ATP8A1: variants seen among roughly 807,000 people sequenced by gnomAD.
ATP8A1 encodes the protein ATPase phospholipid transporting 8A1.
Under a neutral mutation model 177.7 loss-of-function variants are expected in ATP8A1, and 90 were observed. That is an observed-to-expected ratio of 0.51 (90% CI 0.43 to 0.60). The LOEUF (loss-of-function observed/expected upper bound fraction) is 0.60, where lower values mean the gene tolerates loss of function less well. Among genes scored for constraint, ATP8A1 ranks in the 20% least tolerant of loss-of-function variants. The probability of loss-of-function intolerance (pLI) is 0.00; values close to 1 mark genes in which losing one functional copy is unlikely to be tolerated. For synonymous variants in ATP8A1, 493 were observed against 485.9 expected (o/e 1.01, Z -0.19); for missense variants, 1,072 against 1,392.8 (o/e 0.77, Z 3.67).
chr4:42,570,293 TAAG>T (rs1346017832), intron 14 of ATP8A1, among the ~76,000 whole-genome samples: 1 of 152,198 alleles, frequency 6.6e-6, no homozygotes, highest in Non-Finnish European at 1.5e-5. Context: ...TGTGCCTGCT[TAAG>T]AAGAAGGGCT....
intron 35 of ATP8A1, among the ~76,000 whole-genome samples, chr4:42,420,870 G>A (rs930993347): frequency 2.0e-5 from 3 of 150,618 alleles, no homozygotes; most frequent in African/African-American, 4.9e-5. Context: ...CAGGATTCAC[G>A]CCATTCTCCT....
At chr4:42,430,536 T>C (rs776204108) in intron 33 of ATP8A1, among the ~76,000 whole-genome samples, 4 of 151,908 alleles carry the variant, frequency 2.6e-5, no homozygotes, top group African/African-American at 7.2e-5. Flanking sequence ...GTTTGTTACA[T>C]AGGTAAACTT....
intron 33 of ATP8A1, among the ~76,000 whole-genome samples, chr4:42,435,460 A>AAC (rs1560320641): frequency 1.8e-5 from 2 of 108,212 alleles, no homozygotes; most frequent in Non-Finnish European, 2.2e-5. Context: ...CAAAAAAAAA[A>AAC]AAACAAACTA....
At chr4:42,651,159 C>T (rs1370709695) in intron 1 of ATP8A1, among the ~76,000 whole-genome samples, 1 of 151,364 alleles carries the variant, frequency 6.6e-6, no homozygotes, top group East Asian at 2.0e-4. Context: ...TGCCTTCTGC[C>T]ATGATTGTGA....
chr4:42,538,661 C>G (rs1411039529), intron 20 of ATP8A1, among the ~76,000 whole-genome samples: 1 of 152,136 alleles, frequency 6.6e-6, no homozygotes, highest in Non-Finnish European at 1.5e-5. Context: ...AAAAAATGCT[C>G]AACATCACTA....
chr4:42,419,048 A>C (rs1277472184), intron 35 of ATP8A1, among the ~76,000 whole-genome samples: 2 of 152,244 alleles, frequency 1.3e-5, no homozygotes, highest in East Asian at 3.8e-4. Flanking sequence ...GTATGACAAA[A>C]AAGTAAATGA....
chr4:42,638,332 C>T (rs1197982577), intron 1 of ATP8A1, among the ~76,000 whole-genome samples: 1 of 152,178 alleles, frequency 6.6e-6, no homozygotes, highest in Non-Finnish European at 1.5e-5. Context: ...AAAGTAATGG[C>T]TTAACATTTC....
At chr4:42,421,058 G>A (rs566913507) in intron 35 of ATP8A1, among the ~76,000 whole-genome samples, 8 of 152,170 alleles carry the variant, frequency 5.3e-5, no homozygotes, top group Admixed American at 2.6e-4. Flanking sequence ...GTGAGCCACC[G>A]CGCCTGGCCA....
intron 27 of ATP8A1, among the ~76,000 whole-genome samples, chr4:42,464,003 A>C (rs1044830390): frequency 1.3e-5 from 2 of 152,156 alleles, no homozygotes; most frequent in African/African-American, 4.8e-5. Flanking sequence ...GCTTCAGTTG[A>C]TGTTTCTCAT....
intron 11 of ATP8A1, among the ~76,000 whole-genome samples, chr4:42,578,776 A>G (rs1732726423): frequency 6.6e-6 from 1 of 152,168 alleles, no homozygotes; most frequent in Non-Finnish European, 1.5e-5. Flanking sequence ...CTTTAAAAGC[A>G]AACAAGACAG....
intron 6 of ATP8A1, chr4:42,594,187 A>C: frequency 1.6e-6 from 1 of 643,488 alleles, no homozygotes; most frequent in Non-Finnish European, 2.6e-6. Flanking sequence ...GAGAGGTTTT[A>C]AATTCTTCGT....
In ATP8A1 at chr4:42,586,355, C is replaced by G. The variant is rs199606355; in HGVS notation, c.716G>C (p.Gly239Ala). Residue 239 changes from glycine to alanine, a missense_variant, in exon 9 of 37, where the codon GGA (glycine) becomes GCA (alanine). Around this residue, in one of 5 missense-constraint regions of ATP8A1, gnomAD observed 344 missense variants for 393.5 expected, o/e 0.87. Transcript: ENST00000381668. ...AAAGACGGATTTTACATACCCATGT[C>G]CATCAAGCCTTATGTTTCCAACAAA... is the stretch of plus-strand genomic sequence containing the variant. Reference protein sequence around the residue: ...YDFVGNIRLDGHGTVPLGADQ... With the variant: ...YDFVGNIRLDAHGTVPLGADQ... 3.5e-5 allele frequency: 56 copies of G among 1,613,756 alleles called. No homozygotes were observed. Among genetic ancestry groups the G allele is most frequent in the Non-Finnish European group, 5.1e-6 (6 of 1,179,922 alleles).
At chr4:42,534,701 CAT>C (rs1326302139) in intron 20 of ATP8A1, among the ~76,000 whole-genome samples, 1 of 152,108 alleles carries the variant, frequency 6.6e-6, no homozygotes, top group Non-Finnish European at 1.5e-5. Flanking sequence ...CACCTCGGCA[CAT>C]AGTCGGCAGG....
chr4:42,577,380 A>T (rs1396120751), intron 12 of ATP8A1, among the ~76,000 whole-genome samples: 2 of 152,144 alleles, frequency 1.3e-5, no homozygotes, highest in Non-Finnish European at 2.9e-5. Flanking sequence ...CTTACCAATG[A>T]ATTAAGAGAT....
In ATP8A1 at chr4:42,464,997, C is replaced by G. The variant is rs1208058663; in HGVS notation, c.2404G>C (p.Gly802Arg). The change falls in exon 26 of 37, where the codon GGA becomes CGA. Residue 802 changes from glycine to arginine, a missense_variant. Transcript: ENST00000381668. ...VKVVTLAIGD[G>R]ANDVSMIQTA... is the part of the protein sequence containing the mutation. ...TGTATCATGCTGACATCATTTGCTCCATCACCGATTGCAAGCGTTACGACT... is the reference window on the plus strand; with the variant it reads ...TGTATCATGCTGACATCATTTGCTCGATCACCGATTGCAAGCGTTACGACT... 3 of 1,614,190 alleles carry G rather than the reference C, an allele frequency of 1.9e-6. No homozygotes were observed. Among genetic ancestry groups the G allele is most frequent in the Non-Finnish European group, 2.5e-6 (3 of 1,180,018 alleles).
intron 6 of ATP8A1, among the ~76,000 whole-genome samples, chr4:42,596,279 A>T (rs1405791745): frequency 6.6e-6 from 1 of 152,244 alleles, no homozygotes; most frequent in Non-Finnish European, 1.5e-5. Flanking sequence ...TAGGGCTTTC[A>T]GTCCACTACC....
At position 42,455,419 on chromosome 4, in the gene ATP8A1, T is replaced by C. The variant is rs1190958795; in HGVS notation, c.2695A>G (p.Met899Val). 3.1e-6 allele frequency: 5 copies of C among 1,613,764 alleles called. No homozygotes were observed. In the African/African-American group the frequency reaches 5.3e-5, roughly 17 times the overall value. Reference protein sequence around the residue: ...ERWCIGLYNVMFTAMPPLTLG... With the variant: ...ERWCIGLYNVVFTAMPPLTLG... ...GTTAAAGGAGGCATTGCTGTAAACATCTAAAGCGCACAAACTGGTCATTAT... is the reference window on the plus strand; with the variant it reads ...GTTAAAGGAGGCATTGCTGTAAACACCTAAAGCGCACAAACTGGTCATTAT... The change falls in exon 29 of 37, where the codon ATG becomes GTG. Residue 899 changes from methionine to valine, a missense_variant and splice_region_variant. Coordinates refer to ENST00000381668, the MANE Select transcript of ATP8A1 (RefSeq NM_006095.2).
Position 42,600,530 on chromosome 4 carries a change from A to G in ATP8A1, c.410-12T>C. Reference sequence around the variant, plus strand: ...ACCATTTCTCAAAACTGGAAAGAGAAAAGGTGACATTTTAAACAACATGTT... The same window carrying G: ...ACCATTTCTCAAAACTGGAAAGAGAGAAGGTGACATTTTAAACAACATGTT... On this transcript the variant is annotated splice_polypyrimidine_tract_variant and intron_variant, in intron 5 of 36. Coordinates refer to ENST00000381668, the MANE Select transcript of ATP8A1 (RefSeq NM_006095.2). 6.2e-7 allele frequency: 1 copy of G among 1,608,642 alleles called. No homozygotes were observed. Among genetic ancestry groups the G allele is most frequent in the Non-Finnish European group, 8.5e-7 (1 of 1,178,130 alleles).
intron 22 of ATP8A1, among the ~76,000 whole-genome samples, chr4:42,520,673 G>A (rs1726025578): frequency 6.6e-6 from 1 of 152,122 alleles, no homozygotes; most frequent in African/African-American, 2.4e-5. Flanking sequence ...GGAGTATCAT[G>A]CTGGAAGACA....
Sources: gnomAD v4.1 joint callset for allele counts (sites outside exome capture counted in the v4.1 genomes callset) on GRCh38, gnomAD v4.1.1 for gene constraint, gnomAD v4.1.1 regional missense constraint, MANE v1.5 for transcripts, NCBI Gene and HGNC (gene_info 2026-07-23, HGNC 2026-07-21) for gene names.